The following HACD2 variants were observed in gnomAD, a reference collection of about 807,000 sequenced individuals.
HACD2 encodes the protein very-long-chain (3R)-3-hydroxyacyl-CoA dehydratase 2.
In HACD2, 15 loss-of-function variants were observed where a neutral mutation model predicts 31.0. The observed-to-expected ratio is 0.48, with a 90% confidence interval of 0.32 to 0.75. HACD2 has a LOEUF of 0.75. Ranked by LOEUF, HACD2 falls within the 30% of genes least tolerant of loss-of-function variation. HACD2 has a pLI of 0.03. For synonymous variants in HACD2, 115 were observed against 122.2 expected (o/e 0.94, Z 0.39); for missense variants, 283 against 313.0 (o/e 0.90, Z 0.72).
chr3:123,578,521 T>C (rs1334602777), intron 2 of HACD2, among the ~76,000 whole-genome samples: 1 of 152,188 alleles, frequency 6.6e-6, no homozygotes, highest in Non-Finnish European at 1.5e-5. Flanking sequence ...TCCCCCCATG[T>C]CAGCCTCCTA....
intron 2 of HACD2, among the ~76,000 whole-genome samples, chr3:123,573,050 A>G (rs1448733417): frequency 6.6e-6 from 1 of 152,242 alleles, no homozygotes; most frequent in East Asian, 1.9e-4. Context: ...GGATACGCTG[A>G]GCTGGGCAGC....
chr3:123,531,862 T>G (rs2056365670), intron 3 of HACD2, among the ~76,000 whole-genome samples: 1 of 152,344 alleles, frequency 6.6e-6, no homozygotes, highest in African/African-American at 2.4e-5. Flanking sequence ...ACATTTAAAT[T>G]GCCTCGAATT....
intron 2 of HACD2, among the ~76,000 whole-genome samples, chr3:123,571,426 C>T (rs940210142): frequency 3.9e-5 from 6 of 152,172 alleles, no homozygotes; most frequent in Non-Finnish European, 8.8e-5. Flanking sequence ...AAAGCAGTTT[C>T]CTCTGGCTGG....
intron 3 of HACD2, among the ~76,000 whole-genome samples, chr3:123,542,318 C>A (rs973893558): frequency 1.3e-5 from 2 of 151,800 alleles, no homozygotes; most frequent in Non-Finnish European, 2.9e-5. Context: ...AGCAATAAAG[C>A]GCATCAAAGA....
chr3:123,540,932 G>C (rs575914367), intron 3 of HACD2, among the ~76,000 whole-genome samples: 20 of 152,210 alleles, frequency 1.3e-4, no homozygotes, highest in African/African-American at 4.3e-4. Context: ...ATCAAATACT[G>C]TTTCAATATA....
intron 5 of HACD2, among the ~76,000 whole-genome samples, chr3:123,501,411 T>G (rs1368274345): frequency 6.6e-6 from 1 of 152,244 alleles, no homozygotes; most frequent in Non-Finnish European, 1.5e-5. Flanking sequence ...TAAGCCACTA[T>G]AAGTATTGCT....
intron 3 of HACD2, among the ~76,000 whole-genome samples, chr3:123,537,626 T>A (rs1055615582): frequency 1.5e-4 from 22 of 149,380 alleles, no homozygotes; most frequent in South Asian, 8.5e-4. Flanking sequence ...AAAAAAGTTT[T>A]AAAATTTTTT....
rs1405418647 is a variant in HACD2, at chr3:123,584,996, T to G, written c.32A>C (p.Lys11Thr). ...CCTGCCACCGCCGCCCCCATTCCCCTTCGCTGCTGCAGTCGCCGCCACTGC... is the reference window on the plus strand; with the variant it reads ...CCTGCCACCGCCGCCCCCATTCCCCGTCGCTGCTGCAGTCGCCGCCACTGC... MAAVAATAAAKGNGGGGGRAG... is the reference protein window; with the variant it reads MAAVAATAAATGNGGGGGRAG... The change falls in exon 1 of 7, where the codon AAG becomes ACG. Residue 11 changes from lysine (K) to threonine (T), a missense_variant. This residue lies in a region of HACD2 where 158 missense variants were observed against 148.3 expected (regional missense o/e 1.07). Coordinates refer to ENST00000383657, the MANE Select transcript of HACD2 (RefSeq NM_198402.5). 17 of 1,431,044 alleles carry G rather than the reference T, an allele frequency of 1.2e-5. No individual in the cohort carries two copies. The East Asian group carries it at 4.6e-4, about 39-fold the overall frequency. The allele number at this position is 1,431,044 out of a possible 1,614,324, so 88.6% of individuals were successfully genotyped here.
intron 3 of HACD2, among the ~76,000 whole-genome samples, chr3:123,529,550 C>A (rs1018690111): frequency 1.3e-5 from 2 of 152,100 alleles, no homozygotes; most frequent in Non-Finnish European, 1.5e-5. Flanking sequence ...CATAGCGAGA[C>A]CTTGTCTCTA....
intron 3 of HACD2, among the ~76,000 whole-genome samples, chr3:123,530,876 T>G (rs2056352197): frequency 1.3e-5 from 2 of 152,020 alleles, no homozygotes; most frequent in Admixed American, 1.3e-4. Context: ...TTGTTGTTGT[T>G]GTTGTTTTTA....
rs567620704 is a variant in HACD2, at chr3:123,549,445, C to T, written c.292+18317G>A. Among the ~76,000 whole-genome samples the T allele has an allele frequency of 3.6e-4, 55 of 152,116 alleles. 1 individual carries two copies. The highest frequency in any genetic ancestry group is 7.7e-4 in the African/African-American group (32 of 41,528). ...CAAGAAGGCTGTGAAGAAGAGCCAC[C>T]ATCAAAAGCACCAAGATCAGGGCTG... On this transcript the variant is annotated intron_variant, in intron 3 of 6. Transcript: ENST00000383657.
intron 4 of HACD2, among the ~76,000 whole-genome samples, chr3:123,511,756 C>A (rs2056066013): frequency 6.6e-6 from 1 of 152,174 alleles, no homozygotes; most frequent in African/African-American, 2.4e-5. Context: ...AATCTTCTTC[C>A]CTGAGTCTTG....
chr3:123,528,539 T>C (rs1236811018), intron 3 of HACD2, 65 bp from the exon 4 acceptor site: 7 of 972,446 alleles, frequency 7.2e-6, no homozygotes, highest in African/African-American at 3.2e-5. Flanking sequence ...TAATATATTT[T>C]CTAAAACATT....
intron 6 of HACD2, among the ~76,000 whole-genome samples, chr3:123,497,024 T>A (rs925345925): frequency 3.3e-5 from 5 of 152,206 alleles, no homozygotes; most frequent in African/African-American, 1.2e-4. Context: ...CAGAGATTCC[T>A]CAGTACCCAG....
At chr3:123,501,585 T>C (rs2055902581) in intron 5 of HACD2, among the ~76,000 whole-genome samples, 1 of 151,688 alleles carries the variant, frequency 6.6e-6, no homozygotes, top group Admixed American at 6.6e-5. Context: ...AGTAGGATGG[T>C]GGAAAAAAAT....
At chr3:123,539,175 T>C (rs1244731303) in intron 3 of HACD2, among the ~76,000 whole-genome samples, 1 of 152,202 alleles carries the variant, frequency 6.6e-6, no homozygotes, top group Non-Finnish European at 1.5e-5. Flanking sequence ...GAAGGCTACC[T>C]TGCCTTTACT....
At position 123,570,867 on chromosome 3, in the gene HACD2, G is replaced by A. The variant is rs79184356; in HGVS notation, c.274-3087C>T. ...ATACTTTTAGGACAAAACAGAAGACGAGCTATCCCAAAATAAAATTTACAT... is the reference window on the plus strand; with the variant it reads ...ATACTTTTAGGACAAAACAGAAGACAAGCTATCCCAAAATAAAATTTACAT... On this transcript the variant is annotated intron_variant, in intron 2 of 6. Transcript: ENST00000383657. Among the ~76,000 whole-genome samples, 152 of 150,674 alleles carry A rather than the reference G, an allele frequency of 1.0e-3. No homozygotes were observed. In the East Asian group the frequency reaches 0.027, roughly 27 times the overall value.
At chr3:123,511,633 A>G (rs1238713254) in intron 4 of HACD2, among the ~76,000 whole-genome samples, 7 of 152,202 alleles carry the variant, frequency 4.6e-5, no homozygotes, top group Admixed American at 4.6e-4. Flanking sequence ...TAGCACCCAG[A>G]GGTATCTTTA....
At position 123,492,723 on chromosome 3, in the gene HACD2, C is replaced by A. The variant is rs2055779099; in HGVS notation, c.*2165G>T. Reference sequence around the variant, plus strand: ...CCAAATAAAACCCCCAGTCCAGCAACCCTGGAAAAGCTGCATTTTTCATCC... The same window carrying A: ...CCAAATAAAACCCCCAGTCCAGCAAACCTGGAAAAGCTGCATTTTTCATCC... On this transcript the variant is annotated 3_prime_UTR_variant, in exon 7 of 7. Transcript: ENST00000383657. 6.6e-6 allele frequency: 1 copy of A among 152,134 alleles called. No homozygotes were observed. Among genetic ancestry groups the A allele is most frequent in the African/African-American group, 2.4e-5 (1 of 41,424 alleles). The allele number at this position is 152,134 out of a possible 1,614,324, so 9.4% of individuals were successfully genotyped here. A position where few individuals can be genotyped will look rare whatever the true frequency, so the allele number is the denominator to read the frequency against.
Sources: gnomAD v4.1 joint callset for allele counts (sites outside exome capture counted in the v4.1 genomes callset) on GRCh38, gnomAD v4.1.1 for gene constraint, gnomAD v4.1.1 regional missense constraint, MANE v1.5 for transcripts, NCBI Gene and HGNC (gene_info 2026-07-23, HGNC 2026-07-21) for gene names.